Variants in CNNM2 observed in about 807,000 individuals in gnomAD.
The protein encoded by CNNM2 is cyclin and CBS domain divalent metal cation transport mediator 2.
In CNNM2, 12 loss-of-function variants were observed where a neutral mutation model predicts 66.9. The observed-to-expected ratio is 0.18, with a 90% confidence interval of 0.11 to 0.29. CNNM2 has a LOEUF of 0.29. Among genes scored for constraint, CNNM2 ranks in the 10% least tolerant of loss-of-function variants. CNNM2 has a pLI of 1.00. For missense variants in CNNM2, 705 were observed against 1,167.7 expected (o/e 0.60, Z 5.77); for synonymous variants, 557 against 501.8 (o/e 1.11, Z -1.47).
intron 1 of CNNM2, among the ~76,000 whole-genome samples, chr10:103,001,729 T>C (rs1386498884): frequency 1.3e-5 from 2 of 152,106 alleles, no homozygotes; most frequent in East Asian, 3.8e-4. Flanking sequence ...ACAGGCCAGG[T>C]GCGCTGGCTC....
chr10:102,956,132 A>C (rs1847024532), intron 1 of CNNM2, among the ~76,000 whole-genome samples: 1 of 152,006 alleles, frequency 6.6e-6, no homozygotes, highest in Non-Finnish European at 1.5e-5. Context: ...CTAAAAATAG[A>C]AAAAAATTAG....
At position 103,000,231 on chromosome 10, in the gene CNNM2, C is replaced by T. The variant is rs190063019; in HGVS notation, c.1622-49476C>T. ...AGCGTGTGTGACAAGAGCGAAACTC[C>T]GTCTCAAAAACAAATAAATAAATAA... is the stretch of plus-strand genomic sequence containing the variant. On this transcript the variant is annotated intron_variant, in intron 1 of 7. Coordinates refer to ENST00000369878, the MANE Select transcript of CNNM2 (RefSeq NM_017649.5). 0.011 allele frequency among the ~76,000 whole-genome samples: 1,566 copies of T among 148,142 alleles called. 34 individuals are homozygous for T. Among genetic ancestry groups the T allele is most frequent in the African/African-American group, 0.038 (1,504 of 39,822 alleles).
chr10:103,005,523 C>G (rs1266411104), intron 1 of CNNM2, among the ~76,000 whole-genome samples: 1 of 151,948 alleles, frequency 6.6e-6, no homozygotes, highest in Non-Finnish European at 1.5e-5. Context: ...GTGGTGCACA[C>G]CTGTAATCAC....
chr10:102,942,648 C>T (rs965113748), intron 1 of CNNM2, among the ~76,000 whole-genome samples: 1 of 152,204 alleles, frequency 6.6e-6, no homozygotes, highest in Non-Finnish European at 1.5e-5. Context: ...GTTGGAGTCC[C>T]TGCTTTGAGT....
At chr10:102,976,747 C>T (rs1330197108) in intron 1 of CNNM2, among the ~76,000 whole-genome samples, 3 of 149,526 alleles carry the variant, frequency 2.0e-5, no homozygotes, top group South Asian at 2.1e-4. Context: ...GGATTACAGG[C>T]GTGAGCCACT....
chr10:103,023,886 A>G (rs757252585), intron 1 of CNNM2, among the ~76,000 whole-genome samples: 2 of 152,244 alleles, frequency 1.3e-5, no homozygotes, highest in Non-Finnish European at 2.9e-5. Flanking sequence ...ATGAATATAC[A>G]TATATTTTTT....
chr10:102,966,357 G>T (rs765877940), intron 1 of CNNM2, among the ~76,000 whole-genome samples: 1 of 152,158 alleles, frequency 6.6e-6, no homozygotes, highest in Non-Finnish European at 1.5e-5. Context: ...TTGGCCTGGC[G>T]TGTGGCTCAT....
chr10:103,061,198 G>C (rs1246710531), intron 4 of CNNM2, among the ~76,000 whole-genome samples: 1 of 152,102 alleles, frequency 6.6e-6, no homozygotes, highest in Non-Finnish European at 1.5e-5. Context: ...TTTGAGACCA[G>C]CCTGGCCAAC....
At position 102,975,327 on chromosome 10, in the gene CNNM2, A is replaced by G. The variant is rs193235511; in HGVS notation, c.1621+55226A>G. 1.0e-3 allele frequency among the ~76,000 whole-genome samples: 157 copies of G among 152,308 alleles called. No individual in the cohort carries two copies. The highest frequency in any genetic ancestry group is 1.7e-3 in the Admixed American group (26 of 15,300). On this transcript the variant is annotated intron_variant, in intron 1 of 7. Transcript: ENST00000369878. The stretch of plus-strand genomic sequence containing the variant: ...CATGACATAACATGTTATCAAATTT[A>G]TTATTTTGCAACTGACAGTAATCAC...
rs111525126 is a variant in CNNM2, at chr10:103,002,852, C to T, written c.1622-46855C>T. 0.015 allele frequency among the ~76,000 whole-genome samples: 2,254 copies of T among 152,180 alleles called. 56 individuals are homozygous for T. Among genetic ancestry groups the T allele is most frequent in the African/African-American group, 0.051 (2,099 of 41,520 alleles). ...GCTCTGAAATAGTTTGGCAGTTACTCCAAATGCTAAACATAGATTTACCAT... is the reference window on the plus strand; with the variant it reads ...GCTCTGAAATAGTTTGGCAGTTACTTCAAATGCTAAACATAGATTTACCAT... On this transcript the variant is annotated intron_variant, in intron 1 of 7. Transcript: ENST00000369878.
At chr10:102,947,507 CTT>C (rs1403958992) in intron 1 of CNNM2, among the ~76,000 whole-genome samples, 1 of 152,216 alleles carries the variant, frequency 6.6e-6, no homozygotes, top group Non-Finnish European at 1.5e-5. Context: ...AATTCCAACA[CTT>C]TGGGAGGCCG....
At chr10:102,935,774 C>CTTTTTTTTT (rs34196326) in intron 1 of CNNM2, among the ~76,000 whole-genome samples, 4 of 77,994 alleles carry the variant, frequency 5.1e-5, no homozygotes, top group East Asian at 4.0e-4. Flanking sequence ...CTGCACCTGG[C>CTTTTTTTTT]TTTTTTTTTT....
intron 1 of CNNM2, among the ~76,000 whole-genome samples, chr10:103,002,699 G>A (rs991850612): frequency 2.0e-5 from 3 of 152,084 alleles, no homozygotes; most frequent in East Asian, 3.9e-4. Context: ...GACTTGTTTC[G>A]AACTCCCAGC....
chr10:102,919,519 G>T lies in CNNM2; in HGVS notation c.1039G>T (p.Val347Phe). Residue 347 changes from valine (V) to phenylalanine (F), a missense_variant, in exon 1 of 8, where the codon GTC becomes TTC. Transcript: ENST00000369878. ...IAGSGLVAVV[V>F]STIGIVIFGE... ...CGGCTCGGGCCTCGTGGCCGTGGTA[G>T]TCTCCACCATCGGTATCGTCATCTT... The T allele has an allele frequency of 1.2e-6, 2 of 1,613,090 alleles. No individual in the cohort carries two copies. Among genetic ancestry groups the T allele is most frequent in the Non-Finnish European group, 1.7e-6 (2 of 1,180,046 alleles).
chr10:103,041,407 C>A (rs1215346811), intron 1 of CNNM2, among the ~76,000 whole-genome samples: 1 of 152,094 alleles, frequency 6.6e-6, no homozygotes, highest in African/African-American at 2.4e-5. Flanking sequence ...GATTGGAAAT[C>A]TAATGGTGTC....
At chr10:102,963,947 C>T (rs2063422180) in intron 1 of CNNM2, among the ~76,000 whole-genome samples, 1 of 152,072 alleles carries the variant, frequency 6.6e-6, no homozygotes, top group Admixed American at 6.6e-5. Context: ...AACAGATGTG[C>T]ATTGTTCTGA....
intron 1 of CNNM2, among the ~76,000 whole-genome samples, chr10:103,010,945 T>G (rs6584536): frequency 6.6e-6 from 1 of 152,222 alleles, no homozygotes; most frequent in Non-Finnish European, 1.5e-5. Context: ...TTATATTACT[T>G]TTTCGTTTTT....
rs1590460937 is a variant in CNNM2 at position 103,049,741 on chromosome 10, C to T, written c.1656C>T (p.Asn552=). 6.2e-7 allele frequency: 1 copy of T among 1,613,918 alleles called. No homozygotes were observed. Among genetic ancestry groups the T allele is most frequent in the African/African-American group, 1.3e-5 (1 of 75,046 alleles). Residue 552 remains asparagine (N), a synonymous_variant, in exon 2 of 8, where the codon AAC becomes AAT. Transcript: ENST00000369878. ...KSHLAIVQRV[N]NEGEGDPFYE... ...ACCTGGCTATCGTGCAGCGGGTAAA[C>T]AATGAGGGAGAAGGGGATCCATTTT...
rs555748088 is a variant in CNNM2, at chr10:102,959,245, A to G, written c.1621+39144A>G. 7.2e-5 allele frequency among the ~76,000 whole-genome samples: 11 copies of G among 152,242 alleles called. No homozygotes were observed. The South Asian group carries it at 2.3e-3, about 32-fold the overall frequency. On this transcript the variant is annotated intron_variant, in intron 1 of 7. Transcript: ENST00000369878. Reference sequence around the variant, plus strand: ...CTGTGCCTGGCTCATTTTATTTATTATATGCCACATTTACCCATATAACTA... The same window carrying G: ...CTGTGCCTGGCTCATTTTATTTATTGTATGCCACATTTACCCATATAACTA...
Sources: gnomAD v4.1 joint callset for allele counts (sites outside exome capture counted in the v4.1 genomes callset) on GRCh38, gnomAD v4.1.1 for gene constraint, MANE v1.5 for transcripts, NCBI Gene and HGNC (gene_info 2026-07-23, HGNC 2026-07-21) for gene names.